GALNTL6: variants seen among roughly 807,000 people sequenced by gnomAD.
The protein encoded by GALNTL6 is polypeptide N-acetylgalactosaminyltransferase-like 6.
A neutral mutation model predicts 73.7 loss-of-function variants in GALNTL6; 46 were observed. That is an observed-to-expected ratio of 0.62 (90% CI 0.49 to 0.80). The LOEUF (loss-of-function observed/expected upper bound fraction) is 0.80, where lower values mean the gene tolerates loss of function less well. Among genes scored for constraint, GALNTL6 ranks in the 30% least tolerant of loss-of-function variants. The pLI is 0.00. For synonymous variants in GALNTL6, 259 were observed against 263.7 expected (o/e 0.98, Z 0.17); for missense variants, 604 against 755.0 (o/e 0.80, Z 2.34).
chr4:171,943,648 C>A (rs1738617876), intron 2 of GALNTL6, among the ~76,000 whole-genome samples: 1 of 152,174 alleles, frequency 6.6e-6, no homozygotes, highest in African/African-American at 2.4e-5. Context: ...TTGCTTGCTA[C>A]TTGATTTCAT....
At chr4:171,937,720 G>A (rs1738394990) in intron 2 of GALNTL6, among the ~76,000 whole-genome samples, 2 of 152,058 alleles carry the variant, frequency 1.3e-5, no homozygotes, top group Admixed American at 1.3e-4. Flanking sequence ...AGAAAAATTG[G>A]TCAAGTAAAG....
At chr4:172,429,175 A>AGTATTTTATTTTATT (rs1194180515) in intron 5 of GALNTL6, among the ~76,000 whole-genome samples, 11 of 13,304 alleles carry the variant, frequency 8.3e-4, no homozygotes, top group Middle Eastern at 0.056. Context: ...ATTTTGTTTT[A>AGTATTTTATTTTATT]TTATTTTATT....
At position 172,998,535 on chromosome 4, in the gene GALNTL6, C is replaced by G. The variant is rs189083226; in HGVS notation, c.1372-10643C>G. On this transcript the variant is annotated intron_variant, in intron 10 of 12. Coordinates refer to ENST00000506823, the MANE Select transcript of GALNTL6 (RefSeq NM_001034845.3). The stretch of plus-strand genomic sequence containing the variant: ...TGAAAGAGAAACTTCCATTTGTTGA[C>G]TCTGTTCACCTTCCATTTTTTTCTC... 9.9e-5 allele frequency among the ~76,000 whole-genome samples: 15 copies of G among 152,274 alleles called. No individual in the cohort carries two copies. In the East Asian group the frequency reaches 2.9e-3, roughly 29 times the overall value.
In GALNTL6 at chr4:172,931,147, T is replaced by C; in HGVS notation, c.1042-14T>C. On this transcript the variant is annotated splice_polypyrimidine_tract_variant and intron_variant, in intron 8 of 12. Coordinates refer to ENST00000506823, the MANE Select transcript of GALNTL6 (RefSeq NM_001034845.3). ...AATTCACTGTTGTCTTTTGTTCTATTTTTCCCTCTTCAGGTTTGGATGTGT... is the reference window on the plus strand; with the variant it reads ...AATTCACTGTTGTCTTTTGTTCTATCTTTCCCTCTTCAGGTTTGGATGTGT... 7.0e-7 allele frequency: 1 copy of C among 1,424,988 alleles called. No homozygotes were observed. Among genetic ancestry groups the C allele is most frequent in the African/African-American group, 1.4e-5 (1 of 71,374 alleles). 88.3% of individuals were successfully genotyped at this position (1,424,988 alleles called of 1,614,324 possible).
At chr4:172,216,842 T>C (rs1233607369) in intron 2 of GALNTL6, among the ~76,000 whole-genome samples, 1 of 152,034 alleles carries the variant, frequency 6.6e-6, no homozygotes, top group Non-Finnish European at 1.5e-5. Context: ...TAAGGAGGCA[T>C]GGGACATCAA....
At chr4:172,911,897 C>G (rs916379710) in intron 8 of GALNTL6, among the ~76,000 whole-genome samples, 1 of 152,186 alleles carries the variant, frequency 6.6e-6, no homozygotes, top group Non-Finnish European at 1.5e-5. Context: ...AGTGAGCAAG[C>G]TGTAACAGTT....
intron 2 of GALNTL6, among the ~76,000 whole-genome samples, chr4:172,074,921 G>A (rs1164468768): frequency 1.3e-5 from 2 of 152,112 alleles, no homozygotes; most frequent in Non-Finnish European, 2.9e-5. Flanking sequence ...TTTAACCTGT[G>A]TAATGGTACT....
At chr4:172,028,698 A>G (rs555449733) in intron 2 of GALNTL6, among the ~76,000 whole-genome samples, 1 of 152,152 alleles carries the variant, frequency 6.6e-6, no homozygotes, top group South Asian at 2.1e-4. Flanking sequence ...TTCTTTAAAC[A>G]AAAGGAATGT....
intron 2 of GALNTL6, among the ~76,000 whole-genome samples, chr4:172,113,569 C>T (rs1485002320): frequency 1.3e-5 from 2 of 151,948 alleles, no homozygotes; most frequent in Non-Finnish European, 2.9e-5. Context: ...TTGTCATTTT[C>T]CCCAACACTG....
At chr4:172,364,372 T>C (rs759886576) in intron 5 of GALNTL6, among the ~76,000 whole-genome samples, 4 of 152,182 alleles carry the variant, frequency 2.6e-5, no homozygotes, top group Non-Finnish European at 4.4e-5. Context: ...GAGCTGTGAT[T>C]GCATCACTGC....
intron 2 of GALNTL6, among the ~76,000 whole-genome samples, chr4:172,009,787 T>C (rs1740950552): frequency 6.6e-6 from 1 of 152,120 alleles, no homozygotes; most frequent in African/African-American, 2.4e-5. Flanking sequence ...GGTACAGTTA[T>C]CCAGAGTTCA....
At chr4:172,561,028 T>C (rs1373777180) in intron 5 of GALNTL6, among the ~76,000 whole-genome samples, 1 of 149,936 alleles carries the variant, frequency 6.7e-6, no homozygotes, top group Non-Finnish European at 1.5e-5. Flanking sequence ...CCAAGGCGGG[T>C]GGATCATGAG....
chr4:173,007,968 C>T (rs1213173729), intron 10 of GALNTL6, among the ~76,000 whole-genome samples: 1 of 151,982 alleles, frequency 6.6e-6, no homozygotes, highest in Non-Finnish European at 1.5e-5. Flanking sequence ...ATCCTTTTTT[C>T]CACTCTGCAA....
chr4:172,629,325 A>G (rs1256445584), intron 5 of GALNTL6, among the ~76,000 whole-genome samples: 1 of 152,162 alleles, frequency 6.6e-6, no homozygotes, highest in Non-Finnish European at 1.5e-5. Flanking sequence ...TTATTTATGG[A>G]CAAGCATTTT....
intron 2 of GALNTL6, among the ~76,000 whole-genome samples, chr4:171,967,384 T>C (rs1579014949): frequency 6.6e-6 from 1 of 151,888 alleles, no homozygotes; most frequent in East Asian, 1.9e-4. Flanking sequence ...CTTTAGGTCA[T>C]TGGCTTTTAA....
intron 8 of GALNTL6, among the ~76,000 whole-genome samples, chr4:172,921,199 T>G (rs577976449): frequency 1.3e-5 from 2 of 152,210 alleles, no homozygotes; most frequent in South Asian, 4.1e-4. Context: ...ATTAGAGAGA[T>G]AGCCAATTTT....
At chr4:172,879,208 T>C (rs555185981) in intron 7 of GALNTL6, among the ~76,000 whole-genome samples, 31 of 151,854 alleles carry the variant, frequency 2.0e-4, no homozygotes, top group Non-Finnish European at 4.0e-4. Context: ...TTTCAGTAAT[T>C]GATACATCAA....
intron 2 of GALNTL6, among the ~76,000 whole-genome samples, chr4:172,220,074 G>A (rs1736622496): frequency 6.6e-6 from 1 of 151,742 alleles, no homozygotes; most frequent in African/African-American, 2.4e-5. Flanking sequence ...CTCAAACTCA[G>A]CACATCTCTG....
At chr4:172,492,253 C>T (rs1733923614) in intron 5 of GALNTL6, among the ~76,000 whole-genome samples, 1 of 152,144 alleles carries the variant, frequency 6.6e-6, no homozygotes, top group African/African-American at 2.4e-5. Flanking sequence ...TATCTAAGTG[C>T]ACATTTCTAA....
Sources: allele counts gnomAD v4.1 joint callset (sites outside exome capture counted in the v4.1 genomes callset), GRCh38; gene constraint gnomAD v4.1.1; transcripts MANE v1.5; gene names NCBI Gene and HGNC (gene_info 2026-07-23, HGNC 2026-07-21).